IRF2: variants seen among roughly 807,000 people sequenced by gnomAD.
IRF2 encodes interferon regulatory factor 2.
Under a neutral mutation model 40.6 loss-of-function variants are expected in IRF2, and 15 were observed. The ratio of observed to expected loss-of-function variants is 0.37; its 90% CI spans 0.25 to 0.57. IRF2 has a LOEUF of 0.57. Ranked by LOEUF, IRF2 falls within the 20% of genes least tolerant of loss-of-function variation. The pLI is 0.77. For synonymous variants in IRF2, 151 were observed against 165.5 expected (o/e 0.91, Z 0.67); for missense variants, 317 against 455.7 (o/e 0.70, Z 2.77).
At position 184,388,639 on chromosome 4, in the gene IRF2, G is replaced by T; in HGVS notation, c.*119C>A. 9.5e-7 allele frequency: 1 copy of T among 1,056,928 alleles called. No homozygotes were observed. Among genetic ancestry groups the T allele is most frequent in the Non-Finnish European group, 1.4e-6 (1 of 721,398 alleles). 65.5% of individuals were successfully genotyped at this position (1,056,928 alleles called of 1,614,324 possible). A position where few individuals can be genotyped will look rare whatever the true frequency, so the allele number is the denominator to read the frequency against. On this transcript the variant is annotated 3_prime_UTR_variant, in exon 9 of 9. Transcript: ENST00000393593. The surrounding 1 kb of genome is among the most constrained non-coding windows in gnomAD (Gnocchi z 4.6). ...TGGACACAGCAATCAATGTTCTATT[G>T]TCAAGGCTTTTTCCCTTAGATTTGT...
At chr4:184,453,443 T>C (rs758563300) in intron 1 of IRF2, among the ~76,000 whole-genome samples, 8 of 152,224 alleles carry the variant, frequency 5.3e-5, no homozygotes, top group Admixed American at 6.5e-5. Flanking sequence ...TCTTTCCATA[T>C]GGAAAACGGG....
At chr4:184,442,136 C>A (rs960221829) in intron 1 of IRF2, among the ~76,000 whole-genome samples, 4 of 152,168 alleles carry the variant, frequency 2.6e-5, no homozygotes, top group Non-Finnish European at 4.4e-5. Context: ...GTTTCCCAGC[C>A]TCCTTTATGC....
chr4:184,424,406 T>G (rs1177475509), intron 2 of IRF2, among the ~76,000 whole-genome samples: 1 of 152,194 alleles, frequency 6.6e-6, no homozygotes, highest in African/African-American at 2.4e-5. Context: ...GTGGCAGTAC[T>G]GAGAGGTGAG....
At chr4:184,401,416 A>G (rs1736661927) in intron 6 of IRF2, among the ~76,000 whole-genome samples, 1 of 152,242 alleles carries the variant, frequency 6.6e-6, no homozygotes, top group Non-Finnish European at 1.5e-5. Flanking sequence ...CAAAAGCCAC[A>G]GCATACAGAA....
At chr4:184,411,059 C>CT (rs34897483) in intron 5 of IRF2, among the ~76,000 whole-genome samples, 5,054 of 141,392 alleles carry the variant, frequency 0.036, 308 homozygotes, top group African/African-American at 0.12. Flanking sequence ...TCTCTCCACA[C>CT]TTTTTTTTTT....
intron 5 of IRF2, among the ~76,000 whole-genome samples, chr4:184,411,512 C>T (rs1170315429): frequency 6.6e-6 from 1 of 152,146 alleles, no homozygotes; most frequent in Non-Finnish European, 1.5e-5. Flanking sequence ...TCAGAGCCAT[C>T]AGTGCCAATC....
chr4:184,471,144 G>T (rs1365835571), intron 1 of IRF2, among the ~76,000 whole-genome samples: 1 of 152,084 alleles, frequency 6.6e-6, no homozygotes, highest in African/African-American at 2.4e-5. Flanking sequence ...ATATAATTTT[G>T]AAAGTTAATG....
intron 1 of IRF2, among the ~76,000 whole-genome samples, chr4:184,437,222 A>AT: frequency 6.6e-6 from 1 of 152,124 alleles, no homozygotes; most frequent in Admixed American, 6.5e-5. Context: ...CGCCCAGCTA[A>AT]TTTTTTTGTA....
At position 184,388,618 on chromosome 4, in the gene IRF2, C is replaced by T; in HGVS notation, c.*140G>A. On this transcript the variant is annotated 3_prime_UTR_variant, in exon 9 of 9. Coordinates refer to ENST00000393593, the MANE Select transcript of IRF2 (RefSeq NM_002199.4). This position sits in a 1 kb window ranked among gnomAD's most constrained non-coding sequence, Gnocchi z 4.6. ...GAGAAGCTCCAGTACTGGAGTTGGA[C>T]ACAGCAATCAATGTTCTATTGTCAA... The T allele has an allele frequency of 1.2e-6, 1 of 844,058 alleles. No individual in the cohort carries two copies. The highest frequency in any genetic ancestry group is 1.9e-6 in the Non-Finnish European group (1 of 538,820). 52.3% of individuals were successfully genotyped at this position (844,058 alleles called of 1,614,324 possible).
At chr4:184,390,092 C>T (rs1195410027) in intron 8 of IRF2, among the ~76,000 whole-genome samples, 2 of 152,232 alleles carry the variant, frequency 1.3e-5, no homozygotes, top group African/African-American at 4.8e-5. Flanking sequence ...TTCCCTCTCT[C>T]TTGCTCCCTC....
chr4:184,390,781 A>G, intron 7 of IRF2, 32 bp from the exon 8 acceptor site: 1 of 1,612,916 alleles, frequency 6.2e-7, no homozygotes, highest in Non-Finnish European at 8.5e-7. Context: ...CAGGGCCATC[A>G]TTCCTGTCCC....
chr4:184,435,943 A>C (rs1738058156), intron 1 of IRF2, among the ~76,000 whole-genome samples: 1 of 151,826 alleles, frequency 6.6e-6, no homozygotes, highest in South Asian at 2.1e-4. Context: ...GATTCATATT[A>C]TCTCTGGAGC....
At chr4:184,441,746 T>A (rs1738319153) in intron 1 of IRF2, among the ~76,000 whole-genome samples, 1 of 152,188 alleles carries the variant, frequency 6.6e-6, no homozygotes, top group African/African-American at 2.4e-5. Context: ...GTTAGGCAAG[T>A]TCTAAGCACG....
intron 2 of IRF2, among the ~76,000 whole-genome samples, chr4:184,427,434 A>C (rs1236326725): frequency 2.6e-5 from 4 of 152,208 alleles, no homozygotes; most frequent in Admixed American, 6.5e-5. Context: ...GGCGGGCAGC[A>C]CTTGAGTCCT....
At chr4:184,445,942 A>C (rs1738491570) in intron 1 of IRF2, among the ~76,000 whole-genome samples, 1 of 152,192 alleles carries the variant, frequency 6.6e-6, no homozygotes, top group African/African-American at 2.4e-5. Context: ...TGGGCCCTAA[A>C]TCCAATATGA....
intron 8 of IRF2, among the ~76,000 whole-genome samples, chr4:184,389,735 T>G (rs919558994): frequency 2.0e-5 from 3 of 152,176 alleles, no homozygotes; most frequent in African/African-American, 7.2e-5. Flanking sequence ...GATTATTCGA[T>G]AGGTTTCAGG....
At chr4:184,389,608 T>TA (rs772248805) in intron 8 of IRF2, among the ~76,000 whole-genome samples, 7 of 152,060 alleles carry the variant, frequency 4.6e-5, no homozygotes, top group Non-Finnish European at 8.8e-5. Context: ...TCTTTTTTTT[T>TA]AAAAAATCAA....
intron 5 of IRF2, among the ~76,000 whole-genome samples, 198 bp downstream of exon 5, chr4:184,417,969 C>T (rs182813147): frequency 5.3e-5 from 8 of 152,252 alleles, no homozygotes; most frequent in East Asian, 1.9e-4. Context: ...CCCAGAGAAA[C>T]GGGATGAGGC....
chr4:184,463,894 T>A (rs1249004475), intron 1 of IRF2, among the ~76,000 whole-genome samples: 3 of 152,154 alleles, frequency 2.0e-5, no homozygotes, highest in Non-Finnish European at 4.4e-5. Flanking sequence ...TAAAGGCAGG[T>A]GTGAGGGGAA....
Sources: allele counts gnomAD v4.1 joint callset (sites outside exome capture counted in the v4.1 genomes callset), GRCh38; gene constraint gnomAD v4.1.1; non-coding constraint Gnocchi (gnomAD v3.1); transcripts MANE v1.5; gene names NCBI Gene and HGNC (gene_info 2026-07-23, HGNC 2026-07-21).